The following PALM2AKAP2 variants were observed in gnomAD, a reference collection of about 807,000 sequenced individuals.
PALM2AKAP2 encodes PALM2 and AKAP2 fusion.
In PALM2AKAP2, 37 loss-of-function variants were observed where a neutral mutation model predicts 71.5. The ratio of observed to expected loss-of-function variants is 0.52; its 90% CI spans 0.40 to 0.68. PALM2AKAP2 has a LOEUF of 0.68. Among genes scored for constraint, PALM2AKAP2 ranks in the 30% least tolerant of loss-of-function variants. The pLI is 0.00. For missense variants in PALM2AKAP2, 1,224 were observed against 1,191.8 expected (o/e 1.03, Z -0.40); for synonymous variants, 468 against 478.8 (o/e 0.98, Z 0.29).
intron 2 of PALM2AKAP2, among the ~76,000 whole-genome samples, chr9:110,144,076 C>T (rs897041655): frequency 1.3e-5 from 2 of 152,164 alleles, no homozygotes; most frequent in African/African-American, 4.8e-5. Context: ...TGCGACTGTC[C>T]ACACATTCTT....
intron 6 of PALM2AKAP2, among the ~76,000 whole-genome samples, chr9:109,973,420 T>C (rs1248860993): frequency 6.6e-6 from 1 of 152,200 alleles, no homozygotes; most frequent in Non-Finnish European, 1.5e-5. Context: ...AGCCCCTATA[T>C]GGAACATGCC....
intron 1 of PALM2AKAP2, among the ~76,000 whole-genome samples, chr9:109,737,307 A>T (rs1828651805): frequency 6.6e-6 from 1 of 152,218 alleles, no homozygotes; most frequent in Non-Finnish European, 1.5e-5. Context: ...CACGATGGGA[A>T]AGACATGACC....
At chr9:109,941,731 G>A (rs1831374739) in intron 6 of PALM2AKAP2, among the ~76,000 whole-genome samples, 1 of 152,190 alleles carries the variant, frequency 6.6e-6, no homozygotes, top group Admixed American at 6.5e-5. Flanking sequence ...CTATAGGACA[G>A]GAAAGAGCTG....
chr9:109,961,906 T>C (rs1357585925), intron 6 of PALM2AKAP2, among the ~76,000 whole-genome samples: 1 of 152,218 alleles, frequency 6.6e-6, no homozygotes, highest in Non-Finnish European at 1.5e-5. Context: ...TCAAGTCCAG[T>C]ACTTACTAGG....
intron 6 of PALM2AKAP2, among the ~76,000 whole-genome samples, chr9:109,985,806 T>C (rs1392797323): frequency 6.6e-6 from 1 of 151,966 alleles, no homozygotes; most frequent in Non-Finnish European, 1.5e-5. Context: ...TGCACCACCA[T>C]GCCCGGCTAA....
At chr9:109,774,438 A>C (rs1434545624) in intron 1 of PALM2AKAP2, among the ~76,000 whole-genome samples, 2 of 152,214 alleles carry the variant, frequency 1.3e-5, no homozygotes, top group Non-Finnish European at 2.9e-5. Flanking sequence ...CCTAGGATTT[A>C]ATCTATCTCC....
At chr9:109,837,010 A>G (rs1042419683) in intron 1 of PALM2AKAP2, among the ~76,000 whole-genome samples, 3 of 152,226 alleles carry the variant, frequency 2.0e-5, no homozygotes, top group African/African-American at 7.2e-5. Context: ...CAACATTCAA[A>G]TTCAGGAAAT....
intron 6 of PALM2AKAP2, among the ~76,000 whole-genome samples, chr9:110,002,267 A>G (rs551230215): frequency 0.018 from 2,687 of 152,076 alleles, 87 homozygotes; most frequent in African/African-American, 0.062. Context: ...ATCTATTGAG[A>G]TAATCATGTG....
intron 7 of PALM2AKAP2, 125 bp downstream of exon 7, chr9:110,016,164 A>C (rs10116779): frequency 0.44 from 401,120 of 917,572 alleles, 90,030 homozygotes; most frequent in South Asian, 0.55. Flanking sequence ...CTCTCTACTC[A>C]CTGAGGTCTT....
intron 1 of PALM2AKAP2, among the ~76,000 whole-genome samples, chr9:110,077,592 A>G (rs930074638): frequency 1.3e-5 from 2 of 152,186 alleles, no homozygotes; most frequent in Non-Finnish European, 2.9e-5. Flanking sequence ...TGACTGTTCC[A>G]TAACTCGTTA....
intron 3 of PALM2AKAP2, among the ~76,000 whole-genome samples, chr9:109,916,091 C>T (rs1830684015): frequency 6.6e-6 from 1 of 152,148 alleles, no homozygotes; most frequent in Admixed American, 6.6e-5. Flanking sequence ...TTATAGGCAC[C>T]TGCCACCATG....
chr9:109,683,357 G>T (rs1050810323), intron 1 of PALM2AKAP2, among the ~76,000 whole-genome samples: 5 of 152,166 alleles, frequency 3.3e-5, no homozygotes, highest in African/African-American at 1.2e-4. Context: ...TATAAGAGAA[G>T]TGCAGAGGGA....
intron 1 of PALM2AKAP2, among the ~76,000 whole-genome samples, chr9:109,679,581 T>A (rs193125962): frequency 1.3e-5 from 2 of 152,288 alleles, no homozygotes; most frequent in East Asian, 3.9e-4. Flanking sequence ...TGATCTAGAC[T>A]AATAATATTG....
exon 2 of PALM2AKAP2, chr9:110,136,866 G>A (rs1327903490): frequency 6.2e-7 from 1 of 1,614,046 alleles, no homozygotes; most frequent in African/African-American, 1.3e-5. Context: ...AGAAAAGTGA[G>A]GCCTTCAGAG....
chr9:109,915,848 C>A (rs1389890401), intron 3 of PALM2AKAP2, among the ~76,000 whole-genome samples: 3 of 152,020 alleles, frequency 2.0e-5, no homozygotes, highest in Non-Finnish European at 2.9e-5. Context: ...CAGACAAGAC[C>A]CTCTCCAAAC....
At chr9:109,721,653 T>C (rs1056915437) in intron 1 of PALM2AKAP2, among the ~76,000 whole-genome samples, 1 of 152,216 alleles carries the variant, frequency 6.6e-6, no homozygotes, top group Non-Finnish European at 1.5e-5. Context: ...AGGATGTCTC[T>C]AATCTCCCTG....
intron 2 of PALM2AKAP2, among the ~76,000 whole-genome samples, chr9:109,874,277 A>T (rs1297617853): frequency 6.6e-6 from 1 of 152,196 alleles, no homozygotes; most frequent in Non-Finnish European, 1.5e-5. Context: ...TTTCCATGTT[A>T]TGAAGTGGAT....
intron 1 of PALM2AKAP2, among the ~76,000 whole-genome samples, chr9:109,809,768 T>C (rs1192649600): frequency 2.0e-5 from 3 of 152,284 alleles, no homozygotes; most frequent in African/African-American, 2.4e-5. Context: ...CCATAATCCC[T>C]GTGTGGGATC....
chr9:110,024,586 C>G (rs909293534), intron 7 of PALM2AKAP2, among the ~76,000 whole-genome samples: 2 of 152,060 alleles, frequency 1.3e-5, no homozygotes, highest in Non-Finnish European at 2.9e-5. Context: ...GAGTTGGAGA[C>G]CAGCCTGGAC....
Sources: allele counts gnomAD v4.1 joint callset (sites outside exome capture counted in the v4.1 genomes callset), GRCh38; gene constraint gnomAD v4.1.1; transcripts MANE v1.5; gene names NCBI Gene and HGNC (gene_info 2026-07-23, HGNC 2026-07-21).